Variants in CCDC39 observed in about 807,000 individuals in gnomAD.
CCDC39 encodes the protein coiled-coil domain 39 molecular ruler complex subunit.
In CCDC39, 113 loss-of-function variants were observed where a neutral mutation model predicts 121.0. That is an observed-to-expected ratio of 0.93 (90% CI 0.80 to 1.09). CCDC39 has a LOEUF of 1.09. Among genes scored for constraint, CCDC39 ranks in the 50% least tolerant of loss-of-function variants. The pLI, the probability that CCDC39 is intolerant of heterozygous loss-of-function variation, is 0.00. For missense variants in CCDC39, 1,063 were observed against 1,074.7 expected (o/e 0.99, Z 0.15); for synonymous variants, 349 against 352.2 (o/e 0.99, Z 0.10).
At chr3:180,621,236 G>C (rs927357147) in intron 14 of CCDC39, among the ~76,000 whole-genome samples, 7 of 152,048 alleles carry the variant, frequency 4.6e-5, no homozygotes, top group African/African-American at 7.2e-5. Flanking sequence ...TAGGAGTGGA[G>C]GTATCTTTTT....
chr3:180,621,033 C>A (rs1717418369), intron 14 of CCDC39, among the ~76,000 whole-genome samples: 1 of 152,060 alleles, frequency 6.6e-6, no homozygotes, highest in African/African-American at 2.4e-5. Context: ...TTTTCTGTGC[C>A]TGAGTTGTTT....
chr3:180,663,771 G>T (rs533919681), intron 2 of CCDC39, 96 bp downstream of exon 2: 26 of 1,161,700 alleles, frequency 2.2e-5, no homozygotes, highest in Middle Eastern at 2.8e-4. Context: ...TTATGCTAAG[G>T]TTTCCTATTA....
chr3:180,632,277 CT>C (rs1440670573), intron 13 of CCDC39, among the ~76,000 whole-genome samples: 2 of 152,082 alleles, frequency 1.3e-5, no homozygotes, highest in Non-Finnish European at 2.9e-5. Context: ...TTACTTTCTC[CT>C]TTTATTTCAG....
Position 180,621,965 on chromosome 3 carries a change from A to G in CCDC39, c.1999-1995T>C, listed in dbSNP as rs1335175359. ...TTGTTCTAATTCTGTGAAAAATGAA[A>G]TTGGTATTTTGATAGGGGTTGCATT... On this transcript the variant is annotated intron_variant, in intron 14 of 19. Transcript: ENST00000476379. 3.3e-5 allele frequency among the ~76,000 whole-genome samples: 5 copies of G among 152,238 alleles called. No individual in the cohort carries two copies. In the East Asian group the frequency reaches 9.6e-4, roughly 29 times the overall value.
chr3:180,659,591 G>A lies in CCDC39; in HGVS notation c.610-11C>T. 1.2e-6 allele frequency: 2 copies of A among 1,608,896 alleles called. No homozygotes were observed. The highest frequency in any genetic ancestry group is 4.5e-5 in the East Asian group (2 of 44,720). On this transcript the variant is annotated splice_polypyrimidine_tract_variant and intron_variant, in intron 5 of 19. Transcript: ENST00000476379. ...TTTATCCAATTCTAACTGTCAAACAGAGAGCAAAGAACATTTCTGTGAATT... is the reference window on the plus strand; with the variant it reads ...TTTATCCAATTCTAACTGTCAAACAAAGAGCAAAGAACATTTCTGTGAATT...
At chr3:180,618,895 G>A (rs1717347670) in intron 16 of CCDC39, among the ~76,000 whole-genome samples, 1 of 152,038 alleles carries the variant, frequency 6.6e-6, no homozygotes, top group Admixed American at 6.6e-5. Flanking sequence ...GCCTTAGTAA[G>A]TACTTTCTAC....
In CCDC39 at chr3:180,676,469, C is replaced by T. The variant is rs1185235018; in HGVS notation, c.90+2822G>A. On this transcript the variant is annotated intron_variant, in intron 1 of 19. Coordinates refer to ENST00000476379, the MANE Select transcript of CCDC39 (RefSeq NM_181426.2). ...TATCATCTCACACCAGTTAGAATGGCGATCATTAAAAAGTCAGGAAACAAC... is the reference window on the plus strand; with the variant it reads ...TATCATCTCACACCAGTTAGAATGGTGATCATTAAAAAGTCAGGAAACAAC... 2.0e-5 allele frequency among the ~76,000 whole-genome samples: 3 copies of T among 152,146 alleles called. No individual in the cohort carries two copies. In the East Asian group the frequency reaches 5.8e-4, roughly 29 times the overall value.
intron 16 of CCDC39, among the ~76,000 whole-genome samples, chr3:180,618,774 A>G (rs1211446146): frequency 6.6e-6 from 1 of 152,090 alleles, no homozygotes; most frequent in African/African-American, 2.4e-5. Flanking sequence ...TCCATGGTGT[A>G]TATGTGCCAC....
chr3:180,661,825 G>A, intron 3 of CCDC39, 36 bp downstream of exon 3: 1 of 1,534,978 alleles, frequency 6.5e-7, no homozygotes, highest in South Asian at 1.2e-5. Context: ...AGAATGAGCA[G>A]TAGCACAGAA....
At chr3:180,672,808 G>A (rs1300256201) in intron 1 of CCDC39, among the ~76,000 whole-genome samples, 1 of 152,186 alleles carries the variant, frequency 6.6e-6, no homozygotes, top group African/African-American at 2.4e-5. Flanking sequence ...CGATGGATCT[G>A]AGCAAGGTAA....
In CCDC39 at chr3:180,614,012, T is replaced by C; in HGVS notation, c.*909A>G. On this transcript the variant is annotated 3_prime_UTR_variant, in exon 20 of 20. Transcript: ENST00000476379. ...AAGGAGACACATGTACATTCGTGAATTCTAATACATTTATTTAAAATCCAG... is the reference window on the plus strand; with the variant it reads ...AAGGAGACACATGTACATTCGTGAACTCTAATACATTTATTTAAAATCCAG... The C allele has an allele frequency of 2.9e-6, 1 of 339,048 alleles. No homozygotes were observed. The highest frequency in any genetic ancestry group is 2.4e-5 in the South Asian group (1 of 41,932). 21.0% of individuals were successfully genotyped at this position (339,048 alleles called of 1,614,324 possible). A position where few individuals can be genotyped will look rare whatever the true frequency, so the allele number is the denominator to read the frequency against.
chr3:180,676,283 C>T (rs1422857882), intron 1 of CCDC39, among the ~76,000 whole-genome samples: 1 of 152,114 alleles, frequency 6.6e-6, no homozygotes, highest in Admixed American at 6.6e-5. Context: ...ACAAAGAACT[C>T]AAACAAATTT....
chr3:180,625,342 A>G (rs1481469061), intron 14 of CCDC39, among the ~76,000 whole-genome samples: 3 of 84,088 alleles, frequency 3.6e-5, no homozygotes, highest in African/African-American at 1.4e-4. Context: ...TGTGTAGTCT[A>G]TTTTTCTTTT....
chr3:180,647,101 T>C lies in CCDC39; in HGVS notation c.1505A>G (p.Glu502Gly), dbSNP rs1718083154. 18 of 1,608,098 alleles carry C rather than the reference T, an allele frequency of 1.1e-5. No homozygotes were observed. The highest frequency in any genetic ancestry group is 1.4e-5 in the Non-Finnish European group (17 of 1,178,200). Residue 502 changes from glutamate to glycine, a missense_variant, in exon 11 of 20, where the codon GAA becomes GGA. Coordinates refer to ENST00000476379, the MANE Select transcript of CCDC39 (RefSeq NM_181426.2). ...EEKKSTCGLL[E>G]TQIKKLHNDL... ...TACATGAAGCTTCTTGATCTGTGTT[T>C]CCAAAAGGCCACATGTAGATTTTTT...
intron 1 of CCDC39, among the ~76,000 whole-genome samples, chr3:180,668,271 T>C (rs1385330983): frequency 6.6e-6 from 1 of 152,028 alleles, no homozygotes; most frequent in Admixed American, 6.6e-5. Flanking sequence ...CCCAGCTACT[T>C]AGGAAGCTAA....
At chr3:180,627,898 G>C (rs983884549) in intron 14 of CCDC39, among the ~76,000 whole-genome samples, 1 of 152,162 alleles carries the variant, frequency 6.6e-6, no homozygotes, top group Admixed American at 6.5e-5. Context: ...TGGAAATAGG[G>C]TCTTTGCAGA....
At position 180,679,473 on chromosome 3, in the gene CCDC39, G is replaced by C; in HGVS notation, c.-93C>G. The C allele has an allele frequency of 8.3e-7, 1 of 1,202,426 alleles. No individual in the cohort carries two copies. The highest frequency in any genetic ancestry group is 2.3e-5 in the East Asian group (1 of 43,006). 74.5% of individuals were successfully genotyped at this position (1,202,426 alleles called of 1,614,324 possible). A position where few individuals can be genotyped will look rare whatever the true frequency, so the allele number is the denominator to read the frequency against. On this transcript the variant is annotated 5_prime_UTR_variant, in exon 1 of 20. Coordinates refer to ENST00000476379, the MANE Select transcript of CCDC39 (RefSeq NM_181426.2). This position sits in a 1 kb window ranked among gnomAD's most constrained non-coding sequence, Gnocchi z 4.0. ...CGCGTCAAGCCCAGGCACCTGCACA[G>C]TGCCGCGGCAATTGCCGGGGGAGCC...
chr3:180,657,404 T>C (rs1711607901), intron 6 of CCDC39, among the ~76,000 whole-genome samples: 1 of 152,176 alleles, frequency 6.6e-6, no homozygotes, highest in African/African-American at 2.4e-5. Context: ...CATGGGGTTG[T>C]ATGAGAAAAC....
chr3:180,627,909 T>C (rs1212141008), intron 14 of CCDC39, among the ~76,000 whole-genome samples: 1 of 152,112 alleles, frequency 6.6e-6, no homozygotes, highest in Non-Finnish European at 1.5e-5. Context: ...TCTTTGCAGA[T>C]ATAGTCAAGT....
Sources: allele counts gnomAD v4.1 joint callset (sites outside exome capture counted in the v4.1 genomes callset), GRCh38; gene constraint gnomAD v4.1.1; non-coding constraint Gnocchi (gnomAD v3.1); transcripts MANE v1.5; gene names NCBI Gene and HGNC (gene_info 2026-07-23, HGNC 2026-07-21).